The following SLC39A13 variants were observed in gnomAD, a reference collection of about 807,000 sequenced individuals.
The protein encoded by SLC39A13 is zinc transporter ZIP13.
SLC39A13 carries 18 observed loss-of-function variants against 38.7 expected under a neutral mutation model. The ratio of observed to expected loss-of-function variants is 0.47; its 90% CI spans 0.32 to 0.69. The LOEUF (loss-of-function observed/expected upper bound fraction) is 0.69. SLC39A13 is among the 30% of genes least tolerant of loss of function. The pLI is 0.03. For missense variants in SLC39A13, 395 were observed against 490.7 expected, an observed-to-expected ratio of 0.80 and a Z score of 1.84; for synonymous variants, 212 against 219.1, an observed-to-expected ratio of 0.97 and a Z score of 0.29.
At position 47,411,919 on chromosome 11, in the gene SLC39A13, C is replaced by G. The variant is rs746687344; in HGVS notation, c.302-7C>G. 21 of 1,611,894 alleles carry G rather than the reference C, an allele frequency of 1.3e-5. No individual in the cohort carries two copies. Among genetic ancestry groups the G allele is most frequent in the Admixed American group, 6.7e-5 (4 of 59,772 alleles). ...CAGCCCCCAGACCCCGCATCTCTCC[C>G]TTGTAGCTGGGGCCTGGCGCCTGAA... On this transcript the variant is annotated splice_polypyrimidine_tract_variant and splice_region_variant and intron_variant, in intron 2 of 9. Transcript: ENST00000362021.
Position 47,411,967 on chromosome 11 carries a change from G to C in SLC39A13, c.343G>C (p.Gly115Arg). 6.2e-7 allele frequency: 1 copy of C among 1,613,970 alleles called. No individual in the cohort carries two copies. The highest frequency in any genetic ancestry group is 8.5e-7 in the Non-Finnish European group (1 of 1,179,996). The change falls in exon 3 of 10, where the codon GGG becomes CGG. Residue 115 changes from glycine to arginine, a missense_variant. Gly to Arg is a moderately radical substitution (Grantham distance 125). Coordinates refer to ENST00000362021, the MANE Select transcript of SLC39A13 (RefSeq NM_001128225.3). ...RLKQLLSFAL[G>R]GLLGNVFLHL... is the part of the protein sequence containing the mutation. Reference sequence around the variant, plus strand: ...GAAGCAGCTGCTCAGCTTCGCCCTGGGGGGACTCTTGGGCAATGTGTTTCT... The same window carrying C: ...GAAGCAGCTGCTCAGCTTCGCCCTGCGGGGACTCTTGGGCAATGTGTTTCT...
rs1184900179 is a variant in SLC39A13 at position 47,413,520 on chromosome 11, C to A, written c.645+13C>A. ...CCGGAGCATCAAAGTGAGTGGCCTG[C>A]TCAGGGCCCCTGCAGCCGTACTGCC... On this transcript the variant is annotated intron_variant, in intron 5 of 9. Coordinates refer to ENST00000362021, the MANE Select transcript of SLC39A13 (RefSeq NM_001128225.3). 4.3e-6 allele frequency: 7 copies of A among 1,613,830 alleles called. No homozygotes were observed. The highest frequency in any genetic ancestry group is 5.9e-6 in the Non-Finnish European group (7 of 1,179,912).
Position 47,413,420 on chromosome 11 carries a change from T to C in SLC39A13, c.558T>C (p.Thr186=). The C allele has an allele frequency of 6.2e-7, 1 of 1,614,126 alleles. No homozygotes were observed. Among genetic ancestry groups the C allele is most frequent in the Non-Finnish European group, 8.5e-7 (1 of 1,179,960 alleles). ...CCTAGGCCCCCAACAAAGACCCCAC[T>C]GCTGCTGCCGCCGCGCTCAATGGAG... ...GTSQAPNKDP[T]AAAAALNGGH... Residue 186 remains threonine (T), a synonymous_variant, in exon 5 of 10, where the codon ACT becomes ACC. Coordinates refer to ENST00000362021, the MANE Select transcript of SLC39A13 (RefSeq NM_001128225.3).
chr11:47,413,771 G>T, intron 6 of SLC39A13, 85 bp downstream of exon 6: 1 of 1,447,190 alleles, frequency 6.9e-7, no homozygotes, highest in Non-Finnish European at 9.5e-7. Context: ...TCTGCTTCTT[G>T]CCCCTCCATT....
At chr11:47,412,594 C>A in intron 4 of SLC39A13, 127 bp downstream of exon 4, 2 of 1,529,222 alleles carry the variant, frequency 1.3e-6, no homozygotes, top group Non-Finnish European at 1.8e-6. Flanking sequence ...CTGGGAGCTG[C>A]GGGAGGTTGG....
Position 47,414,901 on chromosome 11 carries a change from A to C in SLC39A13, c.911A>C (p.Lys304Thr). 6.2e-7 allele frequency: 1 copy of C among 1,612,476 alleles called. No individual in the cohort carries two copies. Residue 304 changes from lysine (K) to threonine (T), a missense_variant, in exon 8 of 10, where the codon AAG (lysine) becomes ACG (threonine). Lys to Thr is a moderately conservative substitution (Grantham distance 78). Coordinates refer to ENST00000362021, the MANE Select transcript of SLC39A13 (RefSeq NM_001128225.3). ...AGFAICTQSPKGVVGCSPAAE... is the reference protein window; with the variant it reads ...AGFAICTQSPTGVVGCSPAAE... Reference sequence around the variant, plus strand: ...TTCGCCATCTGTACCCAGTCCCCCAAGGGAGTAGGTACGGGCGTGGCGGGT... The same window carrying C: ...TTCGCCATCTGTACCCAGTCCCCCACGGGAGTAGGTACGGGCGTGGCGGGT...
chr11:47,412,254 G>C (rs953108954), intron 3 of SLC39A13, 92 bp from the exon 4 acceptor site: 35 of 1,513,206 alleles, frequency 2.3e-5, no homozygotes, highest in Non-Finnish European at 2.9e-5. Flanking sequence ...CACTGCCCTG[G>C]TGCCCTGGAT....
Position 47,411,956 on chromosome 11 carries a change from G to C in SLC39A13, c.332G>C (p.Ser111Thr), listed in dbSNP as rs1236179177. 2 of 1,613,888 alleles carry C rather than the reference G, an allele frequency of 1.2e-6. No individual in the cohort carries two copies. Among genetic ancestry groups the C allele is most frequent in the African/African-American group, 1.3e-5 (1 of 75,060 alleles). ...AGAWRLKQLLSFALGGLLGNV... is the reference protein window; with the variant it reads ...AGAWRLKQLLTFALGGLLGNV... ...GCCTGGCGCCTGAAGCAGCTGCTCA[G>C]CTTCGCCCTGGGGGGACTCTTGGGC... The change falls in exon 3 of 10, where the codon AGC becomes ACC. Residue 111 changes from serine (S) to threonine (T), a missense_variant. Transcript: ENST00000362021.
chr11:47,414,169 T>C, intron 6 of SLC39A13: 1 of 608,940 alleles, frequency 1.6e-6, no homozygotes, highest in Non-Finnish European at 2.9e-6. Flanking sequence ...CTGGGCCTGC[T>C]CCCCTGGGCA....
intron 6 of SLC39A13, 122 bp downstream of exon 6, chr11:47,413,808 T>A (rs1406112829): frequency 4.9e-6 from 5 of 1,021,396 alleles, no homozygotes; most frequent in Non-Finnish European, 6.0e-6. Flanking sequence ...AAGGCTCTCA[T>A]CCCCCATCCT....
chr11:47,407,824 G>C (rs902784187), upstream of SLC39A13, among the ~76,000 whole-genome samples: 25 of 152,340 alleles, frequency 1.6e-4, no homozygotes, highest in African/African-American at 6.0e-4. Flanking sequence ...AGTAAATTGC[G>C]GTTATAAGAA....
intron 4 of SLC39A13, among the ~76,000 whole-genome samples, chr11:47,412,828 C>T (rs557152879): frequency 1.0e-4 from 14 of 139,088 alleles, no homozygotes; most frequent in African/African-American, 3.5e-4. Context: ...GTGGCACGAT[C>T]GTGGCTCACG....
intron 4 of SLC39A13, 140 bp from the exon 5 acceptor site, chr11:47,413,260 G>T (rs933195403): frequency 4.7e-6 from 4 of 860,094 alleles, no homozygotes; most frequent in African/African-American, 1.7e-5. Context: ...TCTGCCTTGG[G>T]CTCCCAAAGT....
rs1220950072 is a variant in SLC39A13, at chr11:47,410,169, G to C, written c.75G>C (p.Glu25Asp). The C allele has an allele frequency of 6.2e-7, 1 of 1,613,460 alleles. No individual in the cohort carries two copies. Among genetic ancestry groups the C allele is most frequent in the African/African-American group, 1.3e-5 (1 of 74,936 alleles). ...RLLFLTALAL[E>D]LLERAGGSQP... is the part of the protein sequence containing the mutation. ...TCTTCCTCACTGCCCTTGCCCTGGA[G>C]CTCTTGGAAAGGGCTGGGGGTTCCC... Residue 25 changes from glutamate (E) to aspartate (D), a missense_variant, in exon 2 of 10, where the codon GAG (glutamate) becomes GAC (aspartate). Coordinates refer to ENST00000362021, the MANE Select transcript of SLC39A13 (RefSeq NM_001128225.3).
In SLC39A13 at chr11:47,410,387, G is replaced by A. The variant is rs527478070; in HGVS notation, c.293G>A (p.Arg98His). ...VIPLEMGTMLRSEAGAWRLKQ... is the reference protein window; with the variant it reads ...VIPLEMGTMLHSEAGAWRLKQ... ...CCCCTAGAGATGGGGACCATGCTGCGCTCAGAAGGTAGGTGACTCTCCGGT... is the reference window on the plus strand; with the variant it reads ...CCCCTAGAGATGGGGACCATGCTGCACTCAGAAGGTAGGTGACTCTCCGGT... Residue 98 changes from arginine to histidine, a missense_variant, in exon 2 of 10, where the codon CGC (arginine) becomes CAC (histidine). By Grantham distance (29) the Arg-to-His change is conservative. Transcript: ENST00000362021. 8 of 1,613,838 alleles carry A rather than the reference G, an allele frequency of 5.0e-6. No homozygotes were observed. The highest frequency in any genetic ancestry group is 4.0e-5 in the African/African-American group (3 of 74,890).
Position 47,413,647 on chromosome 11 carries a change from C to T in SLC39A13, c.696C>T (p.His232=), listed in dbSNP as rs371961000. Residue 232 remains histidine, a synonymous_variant, in exon 6 of 10, where the codon CAC becomes CAT. Transcript: ENST00000362021. ...LLANTIDNFT[H]GLAVAASFLV... ...CCAACACCATCGATAACTTCACCCA[C>T]GGGCTGGCTGTGGCTGCCAGCTTCC... The T allele has an allele frequency of 1.0e-4, 163 of 1,614,224 alleles. 1 individual carries two copies. In the African/African-American group the frequency reaches 1.8e-3, roughly 18 times the overall value.
At chr11:47,415,227 T>A in intron 9 of SLC39A13, 61 bp from the exon 10 acceptor site, 1 of 1,613,294 alleles carries the variant, frequency 6.2e-7, no homozygotes, top group Non-Finnish European at 8.5e-7. Context: ...AGGGAAGGGC[T>A]CCTGGCCGCT....
chr11:47,411,433 C>T (rs1417678548), intron 2 of SLC39A13, among the ~76,000 whole-genome samples: 1 of 152,050 alleles, frequency 6.6e-6, no homozygotes, highest in South Asian at 2.1e-4. Context: ...GATGAAACCC[C>T]GTCTCTACCA....
At chr11:47,412,292 T>C in intron 3 of SLC39A13, 54 bp from the exon 4 acceptor site, 1 of 1,579,652 alleles carries the variant, frequency 6.3e-7, no homozygotes, top group Non-Finnish European at 8.6e-7. Context: ...GGCCCCCTCC[T>C]ATGGCCCTGG....
Sources: gnomAD v4.1 joint callset for allele counts (sites outside exome capture counted in the v4.1 genomes callset) on GRCh38, gnomAD v4.1.1 for gene constraint, MANE v1.5 for transcripts, NCBI Gene and HGNC (gene_info 2026-07-23, HGNC 2026-07-21) for gene names.